Variants in XPO7 observed in about 807,000 individuals in gnomAD.
The protein encoded by XPO7 is exportin-7.
In XPO7, 21 loss-of-function variants were observed where a neutral mutation model predicts 144.3. The ratio of observed to expected loss-of-function variants is 0.15; its 90% CI spans 0.10 to 0.21. The LOEUF is 0.21. XPO7 is among the 10% of genes least tolerant of loss of function. XPO7 has a pLI of 1.00. For synonymous variants in XPO7, 580 were observed against 499.6 expected (o/e 1.16, Z -2.15); for missense variants, 808 against 1,325.8 (o/e 0.61, Z 6.06).
At chr8:21,958,543 C>T (rs550444442) in intron 1 of XPO7, among the ~76,000 whole-genome samples, 1 of 151,810 alleles carries the variant, frequency 6.6e-6, no homozygotes, top group East Asian at 1.9e-4. Context: ...CACTTCAGCA[C>T]TCTGTGGGCC....
intron 21 of XPO7, among the ~76,000 whole-genome samples, chr8:21,997,885 C>T (rs893871602): frequency 1.3e-5 from 2 of 151,984 alleles, no homozygotes; most frequent in Non-Finnish European, 2.9e-5. Flanking sequence ...CTTTTGAGGT[C>T]TTACCAACTT....
chr8:21,990,506 C>A, intron 17 of XPO7, 99 bp downstream of exon 17: 2 of 1,359,142 alleles, frequency 1.5e-6, no homozygotes, highest in Non-Finnish European at 2.1e-6. Context: ...CCGGGTATTG[C>A]TACAGCAAAG....
intron 4 of XPO7, among the ~76,000 whole-genome samples, chr8:21,971,035 TA>T (rs202202660): frequency 1.3e-5 from 2 of 150,942 alleles, no homozygotes; most frequent in East Asian, 1.9e-4. Context: ...TGTAGCTTTT[TA>T]AAAAAAAAAT....
intron 24 of XPO7, among the ~76,000 whole-genome samples, chr8:22,001,626 C>T (rs139607513): frequency 4.2e-4 from 64 of 152,340 alleles, no homozygotes; most frequent in African/African-American, 1.4e-3. Flanking sequence ...AGAGCATAGG[C>T]TCATACCCCA....
intron 1 of XPO7, among the ~76,000 whole-genome samples, chr8:21,938,661 A>G (rs1333099678): frequency 4.6e-5 from 7 of 152,170 alleles, no homozygotes; most frequent in African/African-American, 1.4e-4. Context: ...GTACACCCCT[A>G]AACAGGAATG....
At chr8:21,963,716 A>G (rs2117317498) in intron 1 of XPO7, among the ~76,000 whole-genome samples, 1 of 151,814 alleles carries the variant, frequency 6.6e-6, no homozygotes, top group Admixed American at 6.6e-5. Context: ...AAAAAGTATA[A>G]CCATTGGGCT....
intron 1 of XPO7, among the ~76,000 whole-genome samples, chr8:21,931,679 A>G (rs1810654495): frequency 6.6e-6 from 1 of 152,132 alleles, no homozygotes; most frequent in Admixed American, 6.5e-5. Flanking sequence ...TGAATTGTTG[A>G]CTGCTCTGGC....
intron 1 of XPO7, among the ~76,000 whole-genome samples, chr8:21,923,695 C>A (rs892074157): frequency 3.3e-5 from 5 of 152,114 alleles, no homozygotes; most frequent in Admixed American, 1.3e-4. Flanking sequence ...TCAGGAAGAT[C>A]CCTGTTCTAT....
intron 1 of XPO7, among the ~76,000 whole-genome samples, chr8:21,943,218 A>T (rs1811052392): frequency 6.6e-6 from 1 of 152,184 alleles, no homozygotes; most frequent in Admixed American, 6.5e-5. Context: ...CTCTCGGGTT[A>T]ATTTTTTAGA....
At chr8:21,942,504 G>T (rs1390189736) in intron 1 of XPO7, among the ~76,000 whole-genome samples, 1 of 152,150 alleles carries the variant, frequency 6.6e-6, no homozygotes, top group Non-Finnish European at 1.5e-5. Flanking sequence ...AGTACAGCTG[G>T]ATTCTCATAG....
chr8:21,965,532 G>A (rs1327655620), intron 1 of XPO7, among the ~76,000 whole-genome samples: 2 of 152,208 alleles, frequency 1.3e-5, no homozygotes, highest in African/African-American at 4.8e-5. Context: ...AAAGTCCCAA[G>A]ATGTTGTGAA....
Position 22,006,559 on chromosome 8 carries a change from C to T in XPO7, c.*1471C>T, listed in dbSNP as rs1328674413. The T allele has an allele frequency of 1.3e-5, 2 of 152,194 alleles. No homozygotes were observed. Among genetic ancestry groups the T allele is most frequent in the Non-Finnish European group, 2.9e-5 (2 of 68,044 alleles). The allele number at this position is 152,194 out of a possible 1,614,324, so 9.4% of individuals were successfully genotyped here. Reference sequence around the variant, plus strand: ...GCATACAGTGTAAGCATTGTGACCGCCAATAAACTTCAATGGTTTCTACTG... The same window carrying T: ...GCATACAGTGTAAGCATTGTGACCGTCAATAAACTTCAATGGTTTCTACTG... On this transcript the variant is annotated 3_prime_UTR_variant, in exon 28 of 28. Transcript: ENST00000252512.
Position 21,990,332 on chromosome 8 carries a change from C to A in XPO7, c.1869-12C>A. 6 of 1,612,584 alleles carry A rather than the reference C, an allele frequency of 3.7e-6. No homozygotes were observed. Among genetic ancestry groups the A allele is most frequent in the Non-Finnish European group, 5.1e-6 (6 of 1,178,776 alleles). Reference sequence around the variant, plus strand: ...CTTCACACTTTCCTTGACCTTCTTCCTTTGTCTTCACGTACAGTAGCGTAA... The same window carrying A: ...CTTCACACTTTCCTTGACCTTCTTCATTTGTCTTCACGTACAGTAGCGTAA... On this transcript the variant is annotated splice_polypyrimidine_tract_variant and intron_variant, in intron 16 of 27. Coordinates refer to ENST00000252512, the MANE Select transcript of XPO7 (RefSeq NM_015024.5).
rs1054451765 is a variant in XPO7 at position 21,951,110 on chromosome 8, A to G, written c.19-15747A>G. Among the ~76,000 whole-genome samples, 9 of 152,120 alleles carry G rather than the reference A, an allele frequency of 5.9e-5. No homozygotes were observed. The South Asian group carries it at 1.9e-3, about 31-fold the overall frequency. On this transcript the variant is annotated intron_variant, in intron 1 of 27. Transcript: ENST00000252512. ...GTAAATTTAATTAATTAATTAATTA[A>G]TTAATTAAGGAAGTACCTAGCACAG...
At chr8:21,921,184 A>T (rs938835166) in intron 1 of XPO7, among the ~76,000 whole-genome samples, 3 of 152,224 alleles carry the variant, frequency 2.0e-5, no homozygotes, top group African/African-American at 7.2e-5. Flanking sequence ...CTTGCGTTTT[A>T]TAGCAGTCAT....
intron 1 of XPO7, among the ~76,000 whole-genome samples, chr8:21,930,784 G>C (rs1329386460): frequency 2.6e-5 from 4 of 152,180 alleles, no homozygotes; most frequent in Non-Finnish European, 4.4e-5. Context: ...CTGTTATCAA[G>C]TTGAATTAGA....
At chr8:22,002,006 G>T in intron 24 of XPO7, 106 bp from the exon 25 acceptor site, 2 of 1,355,662 alleles carry the variant, frequency 1.5e-6, no homozygotes, top group Non-Finnish European at 2.0e-6. Context: ...CAACCGCCTT[G>T]GTTGAATTGG....
rs1812750797 is a variant in XPO7 at position 21,990,867 on chromosome 8, G to A, written c.1989G>A (p.Arg663=). The part of the protein sequence containing the change: ...INNQSNLTDM[R]CRTTFYTALG... The stretch of plus-strand genomic sequence containing the variant: ...ATCAGTCCAACCTGACAGACATGCG[G>A]TGTCGGACTACCTTCTACACAGCAC... Residue 663 remains arginine, a synonymous_variant, in exon 18 of 28, where the codon CGG becomes CGA. Transcript: ENST00000252512. 1 of 1,613,920 alleles carries A rather than the reference G, an allele frequency of 6.2e-7. No homozygotes were observed. The highest frequency in any genetic ancestry group is 2.2e-5 in the East Asian group (1 of 44,882).
In XPO7 at chr8:21,999,273, C is replaced by T. The variant is rs1419535000; in HGVS notation, c.2611C>T (p.Leu871=). The T allele has an allele frequency of 6.2e-7, 1 of 1,613,274 alleles. No individual in the cohort carries two copies. The highest frequency in any genetic ancestry group is 2.2e-5 in the East Asian group (1 of 44,878). ...CAATGCTCTGCAGACCTTCATCAAG[C>T]TGCTCCTCTCTATTCCTCACAGTGA... ...LDNALQTFIK[L]LLSIPHSDLL... The change falls in exon 23 of 28, where the codon CTG becomes TTG. Residue 871 remains leucine (L), a synonymous_variant. Transcript: ENST00000252512.
Sources: gnomAD v4.1 joint callset for allele counts (sites outside exome capture counted in the v4.1 genomes callset) on GRCh38, gnomAD v4.1.1 for gene constraint, MANE v1.5 for transcripts, NCBI Gene and HGNC (gene_info 2026-07-23, HGNC 2026-07-21) for gene names.